ARHGEF18: variants seen among roughly 807,000 people sequenced by gnomAD.
ARHGEF18 encodes the protein Rho/Rac guanine nucleotide exchange factor 18, also known as rho guanine nucleotide exchange factor 18.
In ARHGEF18, 93 loss-of-function variants were observed where a neutral mutation model predicts 155.7. The ratio of observed to expected loss-of-function variants is 0.60; its 90% confidence interval spans 0.50 to 0.71. The LOEUF (loss-of-function observed/expected upper bound fraction) is 0.71, where lower values mean the gene tolerates loss of function less well. ARHGEF18 is among the 30% of genes least tolerant of loss of function. ARHGEF18 has a pLI of 0.00. For synonymous variants in ARHGEF18, 742 were observed against 753.1 expected (o/e 0.99, Z 0.24); for missense variants, 1,593 against 1,816.1 (o/e 0.88, Z 2.23).
rs762196307 is a variant in ARHGEF18, at chr19:7,385,833, A to ATCTCTC, written c.967+2663_967+2668dup. 5.1e-3 allele frequency among the ~76,000 whole-genome samples: 264 copies of ATCTCTC among 51,964 alleles called. 9 individuals carry two copies. Among genetic ancestry groups the ATCTCTC allele is most frequent in the Middle Eastern group, 0.014 (1 of 74 alleles). 34.1% of individuals were successfully genotyped at this position (51,964 alleles called of 152,430 possible). On this transcript the variant is annotated intron_variant, in intron 10 of 28. Transcript: ENST00000668164. ...TTAGAGATAGGATCTATCTCTCTCTATCTCTCTCTCTCTCTCTCTCTCTCT... is the reference window on the plus strand; with the variant it reads ...TTAGAGATAGGATCTATCTCTCTCTATCTCTCTCTCTCTCTCTCTCTCTCTCTCTCT...
At chr19:7,439,678 A>AG in intron 10 of ARHGEF18, 1 of 1,204,286 alleles carries the variant, frequency 8.3e-7, no homozygotes, top group South Asian at 2.8e-5. Context: ...GCTGATGACC[A>AG]GGGGCGGCTA....
intron 10 of ARHGEF18, chr19:7,392,636 A>T (rs1971468776): frequency 6.6e-6 from 1 of 151,066 alleles, no homozygotes; most frequent in Non-Finnish European, 1.5e-5. Context: ...GATCACTTGA[A>T]CCCAGGAGGT....
At chr19:7,465,852 G>A (rs553410704) in intron 23 of ARHGEF18, among the ~76,000 whole-genome samples, 3 of 151,946 alleles carry the variant, frequency 2.0e-5, no homozygotes, top group Admixed American at 1.3e-4. Context: ...TCAGGAGGCC[G>A]ACTCGGGTGA....
intron 10 of ARHGEF18, among the ~76,000 whole-genome samples, chr19:7,409,573 G>A (rs904821874): frequency 3.3e-5 from 5 of 151,204 alleles, no homozygotes; most frequent in Non-Finnish European, 5.9e-5. Context: ...GATTACAGGC[G>A]CCTGCCACCA....
chr19:7,386,150 C>A (rs557389358), intron 10 of ARHGEF18, among the ~76,000 whole-genome samples: 1 of 150,010 alleles, frequency 6.7e-6, no homozygotes, highest in Admixed American at 6.7e-5. Context: ...CTCACAAATA[C>A]CTGGGACCAC....
At chr19:7,397,195 C>G (rs183173858) in intron 10 of ARHGEF18, among the ~76,000 whole-genome samples, 179 of 149,922 alleles carry the variant, frequency 1.2e-3, no homozygotes, top group African/African-American at 4.3e-3. Flanking sequence ...GTAAACGTTA[C>G]TTTGTTTTGG....
intron 1 of ARHGEF18, chr19:7,355,820 C>T (rs773091735): frequency 1.4e-5 from 8 of 554,014 alleles, no homozygotes; most frequent in Non-Finnish European, 1.6e-5. Flanking sequence ...CTGCTGGCAT[C>T]GGCCCTGGAT....
downstream of ARHGEF18, chr19:7,473,332 C>T (rs189098284): frequency 2.0e-5 from 9 of 450,474 alleles, 1 homozygote; most frequent in South Asian, 4.7e-5. Context: ...ATGCAGGCCA[C>T]GTGTGGAATT....
chr19:7,387,399 G>C (rs745491543), intron 10 of ARHGEF18, among the ~76,000 whole-genome samples: 4 of 152,038 alleles, frequency 2.6e-5, no homozygotes, highest in African/African-American at 4.8e-5. Context: ...TGATCTGCCC[G>C]TCTCGGTCTC....
intron 10 of ARHGEF18, among the ~76,000 whole-genome samples, chr19:7,436,027 G>A (rs1198147565): frequency 6.6e-6 from 1 of 151,868 alleles, no homozygotes; most frequent in East Asian, 1.9e-4. Context: ...TTTAAGAGAC[G>A]AGATCTCACT....
chr19:7,479,915 G>A, the ARHGEF18 span, among the ~76,000 whole-genome samples: 51 of 152,110 alleles, frequency 3.4e-4, no homozygotes, highest in African/African-American at 1.2e-3. Context: ...GGGGTATATG[G>A]GAGCTCTCTG....
chr19:7,443,190 G>A (rs1368399579), intron 13 of ARHGEF18, among the ~76,000 whole-genome samples: 2 of 151,196 alleles, frequency 1.3e-5, no homozygotes, highest in Admixed American at 6.6e-5. Flanking sequence ...CCAAATAGCT[G>A]GAATTACAGG....
At chr19:7,420,533 G>A (rs768242003) in intron 10 of ARHGEF18, among the ~76,000 whole-genome samples, 7 of 152,180 alleles carry the variant, frequency 4.6e-5, no homozygotes, top group Non-Finnish European at 1.0e-4. Context: ...GATTCCAGGC[G>A]TGAGCCCCCA....
intron 1 of ARHGEF18, among the ~76,000 whole-genome samples, chr19:7,352,887 A>G (rs1302098491): frequency 4.7e-4 from 39 of 83,786 alleles, no homozygotes; most frequent in Non-Finnish European, 2.0e-4. Flanking sequence ...TCCAAGCTGG[A>G]GTGCAGTGGC....
intron 20 of ARHGEF18, among the ~76,000 whole-genome samples, chr19:7,460,273 A>G (rs1238855732): frequency 6.6e-6 from 1 of 151,990 alleles, no homozygotes; most frequent in Non-Finnish European, 1.5e-5. Context: ...CACACACGCC[A>G]CCACCACCCC....
At chr19:7,468,656 C>T (rs1976813645) in intron 26 of ARHGEF18, among the ~76,000 whole-genome samples, 169 bp from the exon 27 acceptor site, 1 of 152,230 alleles carries the variant, frequency 6.6e-6, no homozygotes, top group South Asian at 2.1e-4. Flanking sequence ...CAAGTCTGCA[C>T]ATTTAGCAGG....
In ARHGEF18 at chr19:7,373,554, C is replaced by T. The variant is rs1970300756; in HGVS notation, c.275+483C>T. Among the ~76,000 whole-genome samples the T allele has an allele frequency of 2.0e-5, 3 of 151,362 alleles. No homozygotes were observed. In the South Asian group the frequency reaches 6.2e-4, roughly 31 times the overall value. On this transcript the variant is annotated intron_variant, in intron 3 of 28. Coordinates refer to ENST00000668164, the MANE Select transcript of ARHGEF18 (RefSeq NM_001367823.1). ...GCAGTGGCGTGATCTCGGCTCACTG[C>T]AATCTCCGCCTCCTGGGTTCAAGCG...
chr19:7,451,631 T>A (rs1006212784), intron 16 of ARHGEF18, among the ~76,000 whole-genome samples: 1 of 151,922 alleles, frequency 6.6e-6, no homozygotes, highest in African/African-American at 2.4e-5. Context: ...CCCAGGCTGG[T>A]GTGGAACTCC....
chr19:7,353,567 G>A (rs1348194926), intron 1 of ARHGEF18, among the ~76,000 whole-genome samples: 2 of 145,812 alleles, frequency 1.4e-5, no homozygotes, highest in Non-Finnish European at 1.5e-5. Context: ...TCCAGCCTCA[G>A]CAACAAAAGT....
Sources: allele counts gnomAD v4.1 joint callset (sites outside exome capture counted in the v4.1 genomes callset), GRCh38; gene constraint gnomAD v4.1.1; transcripts MANE v1.5; gene names NCBI Gene and HGNC (gene_info 2026-07-23, HGNC 2026-07-21).